The following RSPH3 variants were observed in gnomAD, a reference collection of about 807,000 sequenced individuals.
RSPH3 encodes radial spoke head 3.
RSPH3 carries 21 observed loss-of-function variants against 43.8 expected under a neutral mutation model. The observed-to-expected ratio is 0.48, with a 90% CI of 0.34 to 0.69. The LOEUF is 0.69. Among genes scored for constraint, RSPH3 ranks in the 30% least tolerant of loss-of-function variants. The pLI is 0.01. For missense variants in RSPH3, 487 were observed against 516.0 expected, an observed-to-expected ratio of 0.94 and a Z score of 0.54; for synonymous variants, 173 against 179.8, an observed-to-expected ratio of 0.96 and a Z score of 0.30.
chr6:158,971,142 G>A (rs527341243), downstream of RSPH3, among the ~76,000 whole-genome samples: 11 of 152,280 alleles, frequency 7.2e-5, no homozygotes, highest in East Asian at 2.1e-3. Flanking sequence ...GAGGCACCAA[G>A]CCTTTCTGCT....
In RSPH3 at chr6:158,999,836, GT is replaced by G; in HGVS notation, c.-287del. On this transcript the variant is annotated 5_prime_UTR_variant, in exon 1 of 8. An upstream open reading frame in the 5' UTR gains an earlier in-frame stop. Transcript: ENST00000367069. Reference sequence around the variant, plus strand: ...GGGGCGGGAACTCCGGGCAGTTCCGGTCCCCAGGTTTCCCGGGAAGGACTGC... The same window carrying G: ...GGGGCGGGAACTCCGGGCAGTTCCGGCCCCAGGTTTCCCGGGAAGGACTGC... 6.2e-7 allele frequency: 1 copy of G among 1,613,908 alleles called. No individual in the cohort carries two copies. The highest frequency in any genetic ancestry group is 1.1e-5 in the South Asian group (1 of 91,076).
chr6:158,963,217 T>C, the RSPH3 span, among the ~76,000 whole-genome samples: 10 of 152,158 alleles, frequency 6.6e-5, no homozygotes, highest in South Asian at 2.1e-4. Flanking sequence ...TGAAAGGCAA[T>C]GTTATAAGTG....
rs1201269560 is a variant in RSPH3, at chr6:158,973,556, C to G, written c.*3982G>C. On this transcript the variant is annotated 3_prime_UTR_variant, in exon 8 of 8. Coordinates refer to ENST00000367069, the MANE Select transcript of RSPH3 (RefSeq NM_031924.8). ...CTAGACTGATAAATCAGTTCTTTTTCTTAATTTAAAAGAAAAAAGCTTTGA... is the reference window on the plus strand; with the variant it reads ...CTAGACTGATAAATCAGTTCTTTTTGTTAATTTAAAAGAAAAAAGCTTTGA... The G allele has an allele frequency of 1.3e-5, 2 of 152,036 alleles. No individual in the cohort carries two copies. The highest frequency in any genetic ancestry group is 4.8e-5 in the African/African-American group (2 of 41,398). The allele number at this position is 152,036 out of a possible 1,614,324, so 9.4% of individuals were successfully genotyped here. A position where few individuals can be genotyped will look rare whatever the true frequency, so the allele number is the denominator to read the frequency against.
rs547997288 is a variant in RSPH3 at position 158,983,995 on chromosome 6, G to A, written c.347-188C>T. Among the ~76,000 whole-genome samples, 15 of 152,098 alleles carry A rather than the reference G, an allele frequency of 9.9e-5. No individual in the cohort carries two copies. In the East Asian group the frequency reaches 2.1e-3, roughly 22 times the overall value. ...CAAGAAATACAAAAATTAGCTGGGC[G>A]TGGTGGTGCGTGCCTGTGGTCCCAG... On this transcript the variant is annotated intron_variant, in intron 3 of 7. Coordinates refer to ENST00000367069, the MANE Select transcript of RSPH3 (RefSeq NM_031924.8).
chr6:158,970,820 G>C (rs1454940809), downstream of RSPH3, among the ~76,000 whole-genome samples: 2 of 152,066 alleles, frequency 1.3e-5, no homozygotes, highest in Non-Finnish European at 2.9e-5. Context: ...CAAAGTGCTG[G>C]GATTACAGGC....
chr6:158,982,995 T>G (rs1450941857), intron 4 of RSPH3, among the ~76,000 whole-genome samples: 2 of 152,210 alleles, frequency 1.3e-5, no homozygotes, highest in Non-Finnish European at 2.9e-5. Context: ...TATTTATTTT[T>G]AAATAACAGT....
In RSPH3 at chr6:158,972,887, T is replaced by C. The variant is rs1777715457; in HGVS notation, c.*4651A>G. ...AGAAGAACATCATCTAAATGATCAG[T>C]TTATTGAATTTTAGTAATGTAAGTT... On this transcript the variant is annotated 3_prime_UTR_variant, in exon 8 of 8. Transcript: ENST00000367069. 6.6e-6 allele frequency: 1 copy of C among 152,250 alleles called. No individual in the cohort carries two copies. Among genetic ancestry groups the C allele is most frequent in the African/African-American group, 2.4e-5 (1 of 41,468 alleles). 9.4% of individuals were successfully genotyped at this position (152,250 alleles called of 1,614,324 possible). A position where few individuals can be genotyped will look rare whatever the true frequency, so the allele number is the denominator to read the frequency against.
chr6:158,986,296 AT>A lies in RSPH3; in HGVS notation c.329del (p.His110LeufsTer17). On this transcript the variant is annotated frameshift_variant, in exon 3 of 8. Transcript: ENST00000367069. LOFTEE classifies it high-confidence loss of function. ...GTCACACACCTGTTTGCACATCGAC[AT>A]GCTTTCTGCCTTCCACAGGTTCAGG... Reference protein sequence around the residue: ...QTPEPVEGRKHVDVQTELYLE... With the variant: ...QTPEPVEGRKXVDVQTELYLE... The A allele has an allele frequency of 6.2e-7, 1 of 1,614,036 alleles. No homozygotes were observed. Among genetic ancestry groups the A allele is most frequent in the Non-Finnish European group, 8.5e-7 (1 of 1,180,000 alleles).
intron 2 of RSPH3, among the ~76,000 whole-genome samples, chr6:158,990,112 G>T (rs774561631): frequency 6.6e-6 from 1 of 152,118 alleles, no homozygotes; most frequent in Non-Finnish European, 1.5e-5. Context: ...GGCTCTCCTT[G>T]CTCCTCAGCC....
In RSPH3 at chr6:158,999,558, G is replaced by T. The variant is rs1212192194; in HGVS notation, c.-8C>A. On this transcript the variant is annotated 5_prime_UTR_variant, in exon 1 of 8. Transcript: ENST00000367069. ...AGTCAGCGCTGAGGCCATGTCCGGG[G>T]GCTGACTGCCTCGCTTTCGGTGGAG... 1 of 1,606,682 alleles carries T rather than the reference G, an allele frequency of 6.2e-7. No individual in the cohort carries two copies. The highest frequency in any genetic ancestry group is 1.1e-5 in the South Asian group (1 of 90,510).
At position 158,986,426 on chromosome 6, in the gene RSPH3, C is replaced by A. The variant is rs1778241797; in HGVS notation, c.205-5G>T. ...TAGAGAATCAGGCCGTCCGAGCTAA[C>A]AGTGATAGAAAATACTTCTAGAATT... is the stretch of plus-strand genomic sequence containing the variant. On this transcript the variant is annotated splice_region_variant and splice_polypyrimidine_tract_variant and intron_variant, in intron 2 of 7. Coordinates refer to ENST00000367069, the MANE Select transcript of RSPH3 (RefSeq NM_031924.8). 1.9e-6 allele frequency: 3 copies of A among 1,601,640 alleles called. No individual in the cohort carries two copies. Among genetic ancestry groups the A allele is most frequent in the East Asian group, 2.2e-5 (1 of 44,808 alleles).
the RSPH3 span, among the ~76,000 whole-genome samples, chr6:158,964,900 A>G: frequency 6.6e-6 from 1 of 152,142 alleles, no homozygotes; most frequent in Non-Finnish European, 1.5e-5. Context: ...ATCCACAGTC[A>G]CAATGTTTTA....
chr6:158,991,686 G>A (rs1778413300), intron 2 of RSPH3, among the ~76,000 whole-genome samples: 1 of 152,240 alleles, frequency 6.6e-6, no homozygotes. Flanking sequence ...GGGTGAAGGT[G>A]ACAGTTCAGC....
intron 2 of RSPH3, among the ~76,000 whole-genome samples, chr6:158,986,752 A>G (rs565113639): frequency 6.6e-6 from 1 of 152,284 alleles, no homozygotes; most frequent in African/African-American, 2.4e-5. Context: ...TTTAATTTCT[A>G]TGTATTTTTG....
intron 1 of RSPH3, among the ~76,000 whole-genome samples, chr6:158,995,684 T>C (rs952506777): frequency 2.0e-5 from 3 of 152,148 alleles, no homozygotes; most frequent in African/African-American, 7.2e-5. Context: ...AAGCTCCGCC[T>C]CCTGGGTTCA....
At chr6:158,969,194 T>C (rs10806702), downstream of RSPH3, among the ~76,000 whole-genome samples, 35,514 of 152,082 alleles carry the variant, frequency 0.23, 5,395 homozygotes, top group East Asian at 0.41. Context: ...TCTTGTAGGG[T>C]AGGTGTGCTA....
At chr6:158,984,131 C>A (rs1307640664) in intron 3 of RSPH3, among the ~76,000 whole-genome samples, 2 of 151,240 alleles carry the variant, frequency 1.3e-5, no homozygotes, top group African/African-American at 4.9e-5. Flanking sequence ...GAGACTCTGT[C>A]TCAAAGAAAA....
Position 158,982,703 on chromosome 6 carries a change from A to G in RSPH3, c.493-15T>C. 11 of 1,580,310 alleles carry G rather than the reference A, an allele frequency of 7.0e-6. No individual in the cohort carries two copies. Among genetic ancestry groups the G allele is most frequent in the Non-Finnish European group, 9.5e-6 (11 of 1,157,508 alleles). ...AAGTCAAAGAGCTTAAACATACAAA[A>G]TAAAGCAAACTTAAAATTTTAATTA... On this transcript the variant is annotated splice_polypyrimidine_tract_variant and intron_variant, in intron 4 of 7. Coordinates refer to ENST00000367069, the MANE Select transcript of RSPH3 (RefSeq NM_031924.8).
intron 5 of RSPH3, among the ~76,000 whole-genome samples, 174 bp downstream of exon 5, chr6:158,982,311 G>A (rs1778058712): frequency 1.3e-5 from 2 of 152,064 alleles, no homozygotes; most frequent in Non-Finnish European, 2.9e-5. Flanking sequence ...ATGTAATTCC[G>A]TCCATGAAAG....
Sources: gnomAD v4.1 joint callset for allele counts (sites outside exome capture counted in the v4.1 genomes callset) on GRCh38, gnomAD v4.1.1 for gene constraint, MANE v1.5 for transcripts, NCBI Gene and HGNC (gene_info 2026-07-23, HGNC 2026-07-21) for gene names.